The following PHTF2 variants were observed in gnomAD, a reference collection of about 807,000 sequenced individuals.
PHTF2 encodes the protein putative homeodomain transcription factor 2, also known as protein PHTF2.
PHTF2 carries 60 observed loss-of-function variants against 101.2 expected under a neutral mutation model. That is an observed-to-expected ratio of 0.59 (90% CI 0.48 to 0.73). PHTF2 has a LOEUF of 0.73. Ranked by LOEUF, PHTF2 falls within the 30% of genes least tolerant of loss-of-function variation. The pLI, the probability that PHTF2 is intolerant of heterozygous loss-of-function variation, is 0.00. For missense variants in PHTF2, 747 were observed against 908.7 expected, an observed-to-expected ratio of 0.82 and a Z score of 2.29; for synonymous variants, 311 against 307.3, an observed-to-expected ratio of 1.01 and a Z score of -0.13.
At chr7:77,827,389 C>G (rs1794763003) in intron 1 of PHTF2, among the ~76,000 whole-genome samples, 1 of 152,162 alleles carries the variant, frequency 6.6e-6, no homozygotes, top group Non-Finnish European at 1.5e-5. Context: ...GAGTCTCACT[C>G]TGTCACCCAG....
intron 1 of PHTF2, among the ~76,000 whole-genome samples, chr7:77,831,923 G>C (rs1404076313): frequency 6.6e-6 from 1 of 152,156 alleles, no homozygotes; most frequent in Non-Finnish European, 1.5e-5. Context: ...GTGCAGCTCT[G>C]TGAGGAAATG....
At chr7:77,948,984 T>G (rs1241845515) in intron 16 of PHTF2, among the ~76,000 whole-genome samples, 1 of 152,226 alleles carries the variant, frequency 6.6e-6, no homozygotes, top group African/African-American at 2.4e-5. Context: ...TACAAGAATG[T>G]GTATTGCAGC....
At chr7:77,945,768 A>G (rs902187061) in intron 16 of PHTF2, among the ~76,000 whole-genome samples, 1 of 152,194 alleles carries the variant, frequency 6.6e-6, no homozygotes, top group Non-Finnish European at 1.5e-5. Flanking sequence ...ATTAAAACGG[A>G]CTCAAAAAGT....
intron 9 of PHTF2, among the ~76,000 whole-genome samples, chr7:77,912,829 C>T (rs1487246955): frequency 6.9e-6 from 1 of 144,322 alleles, no homozygotes; most frequent in Non-Finnish European, 1.5e-5. Flanking sequence ...ACCTCCCAGG[C>T]TCAGGTGATT....
chr7:77,941,328 T>G (rs1805620459), intron 15 of PHTF2, among the ~76,000 whole-genome samples: 1 of 152,212 alleles, frequency 6.6e-6, no homozygotes, highest in Admixed American at 6.5e-5. Flanking sequence ...ACTTGTTAAA[T>G]TTAGCTTACT....
intron 3 of PHTF2, among the ~76,000 whole-genome samples, chr7:77,865,954 C>T (rs1016076559): frequency 6.6e-6 from 1 of 151,742 alleles, no homozygotes; most frequent in Non-Finnish European, 1.5e-5. Context: ...GAGGCGAAGG[C>T]GGGCAGATCT....
intron 2 of PHTF2, among the ~76,000 whole-genome samples, chr7:77,853,724 CTCTT>C (rs1257967940): frequency 1.3e-5 from 2 of 151,914 alleles, no homozygotes; most frequent in African/African-American, 2.4e-5. Context: ...TTCTCTCTCT[CTCTT>C]TCTTTTTTTT....
chr7:77,870,199 A>C (rs1006276854), intron 3 of PHTF2, among the ~76,000 whole-genome samples: 1 of 149,444 alleles, frequency 6.7e-6, no homozygotes, highest in Non-Finnish European at 1.5e-5. Context: ...GTTTTCTTCT[A>C]GTAGTTTTAT....
At chr7:77,926,483 C>T (rs553269305) in intron 11 of PHTF2, among the ~76,000 whole-genome samples, 1 of 152,124 alleles carries the variant, frequency 6.6e-6, no homozygotes, top group South Asian at 2.1e-4. Flanking sequence ...TATTAACACA[C>T]TGTAGATTCA....
At chr7:77,813,131 A>G (rs1455797089) in intron 1 of PHTF2, among the ~76,000 whole-genome samples, 12 of 152,206 alleles carry the variant, frequency 7.9e-5, no homozygotes, top group Non-Finnish European at 1.0e-4. Context: ...TTGAGTTACA[A>G]TCCAATTACA....
exon 17 of PHTF2, chr7:77,949,718 A>G: frequency 1.3e-6 from 2 of 1,574,072 alleles, no homozygotes; most frequent in Non-Finnish European, 1.7e-6. Context: ...TGTCACTACA[A>G]TTGGGAATTG....
chr7:77,910,393 G>T, exon 9 of PHTF2: 5 of 1,611,852 alleles, frequency 3.1e-6, no homozygotes, highest in Non-Finnish European at 4.2e-6. Flanking sequence ...CTGGCATGCT[G>T]CTTTCTTTTT....
intron 1 of PHTF2, among the ~76,000 whole-genome samples, chr7:77,809,233 T>TTTTTTTG (rs1488996482): frequency 1.4e-5 from 2 of 146,682 alleles, no homozygotes; most frequent in African/African-American, 2.6e-5. Context: ...TGTTTTTTTT[T>TTTTTTTG]TTTTTTTTTT....
At chr7:77,939,701 G>T (rs928021967) in intron 13 of PHTF2, among the ~76,000 whole-genome samples, 2 of 152,078 alleles carry the variant, frequency 1.3e-5, no homozygotes, top group South Asian at 4.2e-4. Context: ...AATTTCAGTG[G>T]ATATGAGATC....
chr7:77,932,619 A>AGT (rs1390574112), intron 12 of PHTF2, among the ~76,000 whole-genome samples: 69 of 111,660 alleles, frequency 6.2e-4, no homozygotes, highest in African/African-American at 2.5e-3. Flanking sequence ...AGAGAGAGAG[A>AGT]GAGTGTGTGT....
chr7:77,833,703 C>A (rs998130956), intron 1 of PHTF2, among the ~76,000 whole-genome samples: 6 of 152,104 alleles, frequency 3.9e-5, no homozygotes, highest in African/African-American at 1.2e-4. Context: ...CCTTTTGTTG[C>A]TGAGTCTAGC....
chr7:77,845,719 A>G (rs527846408), intron 2 of PHTF2, among the ~76,000 whole-genome samples: 155 of 152,264 alleles, frequency 1.0e-3, no homozygotes, highest in African/African-American at 3.5e-3. Flanking sequence ...CTTGCCTAAG[A>G]TTGCACAGAT....
chr7:77,947,130 A>G (rs559695604), intron 16 of PHTF2, among the ~76,000 whole-genome samples: 22 of 151,340 alleles, frequency 1.5e-4, no homozygotes, highest in Non-Finnish European at 2.8e-4. Flanking sequence ...TTTAAAAACA[A>G]CAACAACAAA....
chr7:77,929,111 C>A (rs750408762), exon 12 of PHTF2: 3 of 1,609,962 alleles, frequency 1.9e-6, no homozygotes, highest in Non-Finnish European at 2.5e-6. Flanking sequence ...GATTTCAGGA[C>A]GCCCCTAAAT....
Sources: allele counts gnomAD v4.1 joint callset (sites outside exome capture counted in the v4.1 genomes callset), GRCh38; gene constraint gnomAD v4.1.1; transcripts MANE v1.5; gene names NCBI Gene and HGNC (gene_info 2026-07-23, HGNC 2026-07-21).